LEKR1: variants seen among roughly 807,000 people sequenced by gnomAD.
LEKR1 encodes protein LEKR1.
In LEKR1, 59 loss-of-function variants were observed where a neutral mutation model predicts 72.4. That is an observed-to-expected ratio of 0.82 (90% CI 0.66 to 1.01). The LOEUF (loss-of-function observed/expected upper bound fraction) is 1.01. Ranked by LOEUF, LEKR1 falls within the 50% of genes least tolerant of loss-of-function variation. LEKR1 has a pLI of 0.00. For missense variants in LEKR1, 728 were observed against 759.2 expected (o/e 0.96, Z 0.48); for synonymous variants, 257 against 263.2 (o/e 0.98, Z 0.23).
At chr3:156,971,561 A>G (rs1169222825) in intron 6 of LEKR1, among the ~76,000 whole-genome samples, 2 of 151,946 alleles carry the variant, frequency 1.3e-5, no homozygotes, top group Non-Finnish European at 2.9e-5. Context: ...GCAACCTACA[A>G]AATGGGAGAA....
At chr3:156,850,036 T>C (rs775371169) in intron 2 of LEKR1, among the ~76,000 whole-genome samples, 12 of 152,014 alleles carry the variant, frequency 7.9e-5, no homozygotes, top group African/African-American at 1.4e-4. Context: ...ATCCAGAATC[T>C]ACAATGAACT....
At chr3:157,026,805 T>C (rs1324692246) in intron 11 of LEKR1, among the ~76,000 whole-genome samples, 4 of 152,232 alleles carry the variant, frequency 2.6e-5, no homozygotes, top group Non-Finnish European at 5.9e-5. Context: ...AATAAAGATA[T>C]GTTTCATTAG....
intron 3 of LEKR1, among the ~76,000 whole-genome samples, chr3:156,888,003 A>T (rs1189715115): frequency 6.6e-6 from 1 of 152,356 alleles, no homozygotes; most frequent in Middle Eastern, 3.4e-3. Context: ...TAAAATCATT[A>T]TAGAGGTAAT....
At chr3:156,966,399 C>G (rs534099174) in intron 6 of LEKR1, among the ~76,000 whole-genome samples, 73 of 152,304 alleles carry the variant, frequency 4.8e-4, no homozygotes, top group African/African-American at 1.6e-3. Context: ...GGGTGACAGA[C>G]AGCACCTGGA....
chr3:156,941,718 A>C (rs1726228075), intron 5 of LEKR1, among the ~76,000 whole-genome samples: 1 of 152,140 alleles, frequency 6.6e-6, no homozygotes, highest in Admixed American at 6.6e-5. Context: ...TTGTGGTTGT[A>C]CAAATTTCAT....
chr3:156,896,736 C>T (rs1721224144), intron 3 of LEKR1, among the ~76,000 whole-genome samples: 2 of 152,170 alleles, frequency 1.3e-5, no homozygotes, highest in South Asian at 4.1e-4. Context: ...TTTATACATA[C>T]ATATGCATGC....
chr3:156,844,928 C>T (rs1714405841), intron 2 of LEKR1, among the ~76,000 whole-genome samples: 2 of 138,750 alleles, frequency 1.4e-5, no homozygotes, highest in Admixed American at 7.5e-5. Flanking sequence ...TTTTTAAAGA[C>T]ACTACTAAAC....
chr3:156,968,316 A>G (rs2107989655), intron 6 of LEKR1, among the ~76,000 whole-genome samples: 1 of 152,326 alleles, frequency 6.6e-6, no homozygotes, highest in South Asian at 2.1e-4. Flanking sequence ...TTCCAATTAA[A>G]AGACACAGAC....
At chr3:156,891,977 T>A (rs1214189612) in intron 3 of LEKR1, among the ~76,000 whole-genome samples, 1 of 151,752 alleles carries the variant, frequency 6.6e-6, no homozygotes, top group Non-Finnish European at 1.5e-5. Flanking sequence ...GTGTTACCAA[T>A]AAAAGACAAG....
intron 3 of LEKR1, among the ~76,000 whole-genome samples, chr3:156,919,445 A>G (rs1448785942): frequency 6.6e-6 from 1 of 152,144 alleles, no homozygotes; most frequent in Non-Finnish European, 1.5e-5. Flanking sequence ...ACTAGGTGGG[A>G]GCTTATTCCT....
rs151112564 is a variant in LEKR1, at chr3:156,982,952, C to T, written c.827+3677C>T. 2.9e-3 allele frequency among the ~76,000 whole-genome samples: 439 copies of T among 151,946 alleles called. 4 individuals carry two copies. The highest frequency in any genetic ancestry group is 0.01 in the African/African-American group (418 of 41,438). ...TAGCATAGAGAAAGGTCTCCAGCAC[C>T]TGAAGCCACTTAAGTGGCTCTATCC... On this transcript the variant is annotated intron_variant, in intron 7 of 12. Transcript: ENST00000356539.
intron 3 of LEKR1, among the ~76,000 whole-genome samples, chr3:156,899,260 A>G (rs1721530838): frequency 6.8e-6 from 1 of 147,610 alleles, no homozygotes; most frequent in Admixed American, 6.9e-5. Flanking sequence ...ATACATATAT[A>G]TATATACACA....
chr3:157,030,735 G>T (rs997017610), intron 12 of LEKR1, among the ~76,000 whole-genome samples: 21 of 152,136 alleles, frequency 1.4e-4, no homozygotes, highest in Non-Finnish European at 2.6e-4. Flanking sequence ...TGGTGTCAGG[G>T]TATCCACTGG....
intron 10 of LEKR1, among the ~76,000 whole-genome samples, chr3:157,017,948 C>CAA (rs58950224): frequency 5.1e-4 from 42 of 82,904 alleles, no homozygotes; most frequent in Middle Eastern, 5.4e-3. Context: ...GACTCTGTCT[C>CAA]AAAAAAAAAA....
In LEKR1 at chr3:157,045,678, T is replaced by C. The variant is rs1429884720; in HGVS notation, c.2007T>C (p.Gly669=). ...PILPQPHPPR[G]GASSANETRQ... ...TCCCCCAGCCACATCCTCCCAGGGG[T>C]GGAGCATCTTCAGCAAATGAGACTA... Residue 669 remains glycine, a synonymous_variant, in exon 13 of 13, where the codon GGT becomes GGC. Coordinates refer to ENST00000356539, the MANE Select transcript of LEKR1 (RefSeq NM_001004316.3). The C allele has an allele frequency of 3.7e-6, 6 of 1,613,740 alleles. No individual in the cohort carries two copies. Among genetic ancestry groups the C allele is most frequent in the Admixed American group, 1.7e-5 (1 of 59,980 alleles).
chr3:156,912,601 T>C (rs1425343020), intron 3 of LEKR1, among the ~76,000 whole-genome samples: 2 of 152,168 alleles, frequency 1.3e-5, no homozygotes, highest in Non-Finnish European at 1.5e-5. Flanking sequence ...CACTTCCCAC[T>C]CACGCCTGGG....
rs77220512 is a variant in LEKR1, at chr3:157,028,465, A to G, written c.1668+63A>G. The G allele has an allele frequency of 6.1e-3, 8,562 of 1,397,616 alleles. 350 individuals are homozygous for G. The Admixed American group carries it at 0.088, about 14-fold the overall frequency. The allele number at this position is 1,397,616 out of a possible 1,614,324, so 86.6% of individuals were successfully genotyped here. A position where few individuals can be genotyped will look rare whatever the true frequency, so the allele number is the denominator to read the frequency against. ...AGAGCACATGTTCTTTCAACAAACA[A>G]ACAAAAACGTGAAAGGCAGCTTAGT... On this transcript the variant is annotated intron_variant, in intron 12 of 12. Transcript: ENST00000356539.
intron 6 of LEKR1, among the ~76,000 whole-genome samples, chr3:156,963,674 C>A (rs939237600): frequency 2.0e-5 from 3 of 152,102 alleles, no homozygotes; most frequent in Admixed American, 6.6e-5. Flanking sequence ...ATACCACTTG[C>A]CATATGTCAG....
intron 2 of LEKR1, among the ~76,000 whole-genome samples, chr3:156,844,360 C>T (rs911535002): frequency 6.6e-6 from 1 of 152,062 alleles, no homozygotes; most frequent in Non-Finnish European, 1.5e-5. Flanking sequence ...CCCACTTATT[C>T]GTCATCTAGC....
Sources: allele counts gnomAD v4.1 joint callset (sites outside exome capture counted in the v4.1 genomes callset), GRCh38; gene constraint gnomAD v4.1.1; transcripts MANE v1.5; gene names NCBI Gene and HGNC (gene_info 2026-07-23, HGNC 2026-07-21).